PLXDC2: variants seen among roughly 807,000 people sequenced by gnomAD.
PLXDC2 encodes the protein plexin domain-containing protein 2.
Under a neutral mutation model 68.9 loss-of-function variants are expected in PLXDC2, and 40 were observed. That is an observed-to-expected ratio of 0.58 (90% CI 0.45 to 0.76). PLXDC2 has a LOEUF of 0.76. PLXDC2 is among the 30% of genes least tolerant of loss of function. PLXDC2 has a pLI of 0.00. For missense variants in PLXDC2, 644 were observed against 661.9 expected, an observed-to-expected ratio of 0.97 and a Z score of 0.30; for synonymous variants, 243 against 234.2, an observed-to-expected ratio of 1.04 and a Z score of -0.34.
intron 13 of PLXDC2, among the ~76,000 whole-genome samples, chr10:20,260,261 AACT>A (rs1172607343): frequency 6.6e-6 from 1 of 152,192 alleles, no homozygotes; most frequent in Non-Finnish European, 1.5e-5. Flanking sequence ...CAATGTTGTT[AACT>A]GTAGTCCTCA....
chr10:19,923,968 G>A (rs1589538351), intron 1 of PLXDC2, among the ~76,000 whole-genome samples: 2 of 152,146 alleles, frequency 1.3e-5, no homozygotes, highest in South Asian at 4.1e-4. Context: ...GGAGGCTGAA[G>A]GGGAAGGATT....
At chr10:20,027,125 A>G (rs1406992470) in intron 2 of PLXDC2, among the ~76,000 whole-genome samples, 1 of 150,032 alleles carries the variant, frequency 6.7e-6, no homozygotes, top group Non-Finnish European at 1.5e-5. Flanking sequence ...TATACATAAT[A>G]TATTCTAATA....
intron 1 of PLXDC2, among the ~76,000 whole-genome samples, chr10:19,861,759 C>T (rs11011647): frequency 0.65 from 98,253 of 152,114 alleles, 33,237 homozygotes; most frequent in African/African-American, 0.86. Flanking sequence ...TCCACCTCAG[C>T]TAGAGTTGGA....
chr10:19,832,368 C>T (rs941392514), intron 1 of PLXDC2, among the ~76,000 whole-genome samples: 7 of 152,168 alleles, frequency 4.6e-5, no homozygotes, highest in South Asian at 2.1e-4. Context: ...AAAAGAAACA[C>T]GGAGGAATGC....
chr10:20,278,075 T>A (rs922279034), intron 13 of PLXDC2, among the ~76,000 whole-genome samples: 17 of 152,346 alleles, frequency 1.1e-4, no homozygotes, highest in African/African-American at 3.6e-4. Flanking sequence ...ACCACGTTTT[T>A]TTCATCCATT....
At position 20,288,515 on chromosome 10, in the gene PLXDC2, G is replaced by A. The variant is rs1836189077; in HGVS notation, c.*8696G>A. 1 of 152,008 alleles carries A rather than the reference G, an allele frequency of 6.6e-6. No homozygotes were observed. The highest frequency in any genetic ancestry group is 2.1e-4 in the South Asian group (1 of 4,816). 9.4% of individuals were successfully genotyped at this position (152,008 alleles called of 1,614,324 possible). A position where few individuals can be genotyped will look rare whatever the true frequency, so the allele number is the denominator to read the frequency against. On this transcript the variant is annotated 3_prime_UTR_variant, in exon 14 of 14. Coordinates refer to ENST00000377252, the MANE Select transcript of PLXDC2 (RefSeq NM_032812.9). ...AATGGTGTCTGAGAGCAAAAAGAGT[G>A]TGACCTCTATTGGAAACCTTTGTTC...
chr10:19,839,043 A>T lies in PLXDC2; in HGVS notation c.112+21852A>T, dbSNP rs550021432. On this transcript the variant is annotated intron_variant, in intron 1 of 13. Transcript: ENST00000377252. ...TGTAATAAAAATACAAAAATCTTCC[A>T]GGCACGGTGGTGGGTGCCTGTAATG... 8.2e-4 allele frequency among the ~76,000 whole-genome samples: 125 copies of T among 152,172 alleles called. 1 individual carries two copies. The highest frequency in any genetic ancestry group is 1.5e-3 in the Non-Finnish European group (103 of 67,988).
chr10:20,037,977 G>A (rs1292420698), intron 2 of PLXDC2, among the ~76,000 whole-genome samples: 6 of 152,174 alleles, frequency 3.9e-5, no homozygotes, highest in African/African-American at 1.4e-4. Flanking sequence ...CTCTTCTGAA[G>A]TACATGCCTG....
intron 1 of PLXDC2, among the ~76,000 whole-genome samples, chr10:19,939,301 A>G (rs999549152): frequency 6.6e-6 from 1 of 152,230 alleles, no homozygotes; most frequent in Admixed American, 6.5e-5. Flanking sequence ...ATTAGCAGTG[A>G]TCTTGGCTAC....
chr10:19,886,747 T>C (rs1837854149), intron 1 of PLXDC2, among the ~76,000 whole-genome samples: 1 of 152,182 alleles, frequency 6.6e-6, no homozygotes, highest in Admixed American at 6.5e-5. Context: ...CCACTCCTAT[T>C]CAACATAGTG....
chr10:20,074,732 A>T (rs982878443), intron 4 of PLXDC2, among the ~76,000 whole-genome samples: 3 of 152,190 alleles, frequency 2.0e-5, no homozygotes, highest in African/African-American at 7.2e-5. Flanking sequence ...GGAGAGGAAG[A>T]TAGTTATTAC....
chr10:20,245,577 A>G (rs999789922), intron 13 of PLXDC2, 72 bp downstream of exon 13: 2 of 1,461,234 alleles, frequency 1.4e-6, no homozygotes, highest in African/African-American at 1.4e-5. Flanking sequence ...CACCACCTGG[A>G]TTTAATATTT....
In PLXDC2 at chr10:20,177,035, T is replaced by C. The variant is rs773108154; in HGVS notation, c.920T>C (p.Val307Ala). 6.2e-7 allele frequency: 1 copy of C among 1,611,762 alleles called. No homozygotes were observed. Among genetic ancestry groups the C allele is most frequent in the Non-Finnish European group, 8.5e-7 (1 of 1,179,014 alleles). ...AGAACAATTTATGAATACCACCGAGTAGAGCTACAAATGTCAAAAATTACC... is the reference window on the plus strand; with the variant it reads ...AGAACAATTTATGAATACCACCGAGCAGAGCTACAAATGTCAAAAATTACC... ...RRRTIYEYHRVELQMSKITNI... is the reference protein window; with the variant it reads ...RRRTIYEYHRAELQMSKITNI... The change falls in exon 8 of 14, where the codon GTA (valine) becomes GCA (alanine). Residue 307 changes from valine to alanine, a missense_variant. Physicochemically the swap from Val to Ala is moderately conservative, Grantham distance 64. Transcript: ENST00000377252.
chr10:19,847,706 A>G (rs1444346327), intron 1 of PLXDC2, among the ~76,000 whole-genome samples: 2 of 152,168 alleles, frequency 1.3e-5, no homozygotes, highest in Admixed American at 1.3e-4. Flanking sequence ...GTCATAGCTA[A>G]CATACATTCT....
intron 1 of PLXDC2, among the ~76,000 whole-genome samples, chr10:19,888,535 A>T (rs1333225776): frequency 6.6e-6 from 1 of 152,126 alleles, no homozygotes; most frequent in Non-Finnish European, 1.5e-5. Flanking sequence ...GTCAGTGGAC[A>T]ATACTGTAAC....
chr10:20,036,680 CAGT>C (rs940402140), intron 2 of PLXDC2, among the ~76,000 whole-genome samples: 2 of 152,064 alleles, frequency 1.3e-5, no homozygotes, highest in Non-Finnish European at 2.9e-5. Context: ...CAGAAATAAT[CAGT>C]GGCTCTGAAA....
chr10:19,855,936 A>G (rs1466286200), intron 1 of PLXDC2, among the ~76,000 whole-genome samples: 1 of 152,082 alleles, frequency 6.6e-6, no homozygotes, highest in Admixed American at 6.6e-5. Flanking sequence ...AAATATACAT[A>G]TATAAAAAAT....
At chr10:20,096,845 C>T (rs1028824541) in intron 4 of PLXDC2, among the ~76,000 whole-genome samples, 2 of 152,052 alleles carry the variant, frequency 1.3e-5, no homozygotes, top group Admixed American at 6.5e-5. Flanking sequence ...TTAATTGGTG[C>T]TATGAAATTA....
At chr10:20,058,600 T>C (rs532544640) in intron 3 of PLXDC2, among the ~76,000 whole-genome samples, 90 of 152,300 alleles carry the variant, frequency 5.9e-4, no homozygotes, top group Admixed American at 1.9e-3. Flanking sequence ...AAAACAGTCA[T>C]TTTCCACTGA....
Sources: gnomAD v4.1 joint callset for allele counts (sites outside exome capture counted in the v4.1 genomes callset) on GRCh38, gnomAD v4.1.1 for gene constraint, MANE v1.5 for transcripts, NCBI Gene and HGNC (gene_info 2026-07-23, HGNC 2026-07-21) for gene names.